Variants in MAGI2 observed in about 807,000 individuals in gnomAD.
The protein encoded by MAGI2 is membrane-associated guanylate kinase, WW and PDZ domain-containing protein 2.
Under a neutral mutation model 133.3 loss-of-function variants are expected in MAGI2, and 35 were observed. The observed-to-expected ratio is 0.26, with a 90% CI of 0.20 to 0.35. The LOEUF (loss-of-function observed/expected upper bound fraction) is 0.35. Ranked by LOEUF, MAGI2 falls within the 10% of genes least tolerant of loss-of-function variation. The pLI is 1.00. For missense variants in MAGI2, 1,636 were observed against 1,863.4 expected, an observed-to-expected ratio of 0.88 and a Z score of 2.25; for synonymous variants, 729 against 710.6, an observed-to-expected ratio of 1.03 and a Z score of -0.41.
chr7:78,883,791 T>G (rs1257985277), intron 2 of MAGI2, among the ~76,000 whole-genome samples: 2 of 152,198 alleles, frequency 1.3e-5, no homozygotes. Context: ...CTGGGATAAC[T>G]GGCTAGACAT....
chr7:78,665,570 T>A (rs562564525), intron 2 of MAGI2, among the ~76,000 whole-genome samples: 1 of 152,136 alleles, frequency 6.6e-6, no homozygotes, highest in African/African-American at 2.4e-5. Context: ...TATTAGAAGG[T>A]TGATTTGGAT....
chr7:79,364,784 TC>T (rs1400770710), intron 1 of MAGI2, among the ~76,000 whole-genome samples: 16 of 151,752 alleles, frequency 1.1e-4, no homozygotes, highest in Non-Finnish European at 1.8e-4. Context: ...CCAGAATAGA[TC>T]ATAAATATAT....
chr7:78,946,104 G>A (rs1161012487), intron 2 of MAGI2, among the ~76,000 whole-genome samples: 1 of 152,150 alleles, frequency 6.6e-6, no homozygotes, highest in African/African-American at 2.4e-5. Flanking sequence ...GAGGACCATT[G>A]CTGTAGAAAT....
At chr7:79,020,148 G>C (rs564529612) in intron 1 of MAGI2, among the ~76,000 whole-genome samples, 1 of 152,254 alleles carries the variant, frequency 6.6e-6, no homozygotes, top group African/African-American at 2.4e-5. Context: ...CAGGAATAAA[G>C]GTGACTCTTG....
At chr7:78,437,093 C>A (rs1800368079) in intron 6 of MAGI2, among the ~76,000 whole-genome samples, 1 of 152,122 alleles carries the variant, frequency 6.6e-6, no homozygotes. Flanking sequence ...AATTCCCTAT[C>A]ATAATGGAAA....
chr7:79,152,039 A>G (rs1448721958), intron 1 of MAGI2, among the ~76,000 whole-genome samples: 3 of 152,168 alleles, frequency 2.0e-5, no homozygotes, highest in African/African-American at 7.2e-5. Flanking sequence ...AGGAATGGTA[A>G]AGTAGCACTT....
At chr7:78,326,105 T>A (rs985925276) in intron 9 of MAGI2, among the ~76,000 whole-genome samples, 1 of 152,188 alleles carries the variant, frequency 6.6e-6, no homozygotes, top group African/African-American at 2.4e-5. Context: ...TGGTTCTCCA[T>A]GTCTCCCAGA....
At chr7:79,048,746 G>C (rs1812401747) in intron 1 of MAGI2, among the ~76,000 whole-genome samples, 1 of 152,072 alleles carries the variant, frequency 6.6e-6, no homozygotes, top group Non-Finnish European at 1.5e-5. Flanking sequence ...AGCCAAGGTG[G>C]GCCGATCACT....
intron 2 of MAGI2, among the ~76,000 whole-genome samples, chr7:78,917,289 T>C (rs1376709554): frequency 6.6e-6 from 1 of 152,066 alleles, no homozygotes; most frequent in Non-Finnish European, 1.5e-5. Flanking sequence ...AATTCAGTCC[T>C]GCAGAAGTGA....
chr7:79,031,776 T>TA (rs1273839461), intron 1 of MAGI2, among the ~76,000 whole-genome samples: 2 of 152,144 alleles, frequency 1.3e-5, no homozygotes, highest in Non-Finnish European at 2.9e-5. Context: ...ATTTGTTTTG[T>TA]AAAAAAAGTT....
intron 1 of MAGI2, among the ~76,000 whole-genome samples, chr7:79,270,353 T>C (rs1004891934): frequency 2.0e-5 from 3 of 149,102 alleles, no homozygotes; most frequent in Non-Finnish European, 4.5e-5. Context: ...GTCTGCGTAG[T>C]GGGCGGGACG....
intron 1 of MAGI2, among the ~76,000 whole-genome samples, chr7:79,307,943 T>C (rs1208028263): frequency 6.6e-6 from 1 of 152,212 alleles, no homozygotes; most frequent in Non-Finnish European, 1.5e-5. Flanking sequence ...TCTTTCCTCT[T>C]TAACCACCAT....
chr7:79,025,287 T>C (rs2079958), intron 1 of MAGI2, among the ~76,000 whole-genome samples: 89,279 of 152,040 alleles, frequency 0.59, 26,537 homozygotes, highest in East Asian at 0.63. Flanking sequence ...CATGTATAAG[T>C]GGAGGCTAAA....
chr7:78,609,888 T>A (rs1563238916), intron 3 of MAGI2, among the ~76,000 whole-genome samples: 1 of 152,128 alleles, frequency 6.6e-6, no homozygotes, highest in Non-Finnish European at 1.5e-5. Flanking sequence ...CCTCTTGAAT[T>A]AGGAGGAGCC....
At chr7:79,275,640 T>A (rs1413979627) in intron 1 of MAGI2, among the ~76,000 whole-genome samples, 1 of 152,118 alleles carries the variant, frequency 6.6e-6, no homozygotes. Context: ...GAAGAAGATG[T>A]CATCTAGGAC....
At chr7:79,428,268 CA>C (rs1173383714) in intron 1 of MAGI2, among the ~76,000 whole-genome samples, 1 of 152,076 alleles carries the variant, frequency 6.6e-6, no homozygotes, top group Non-Finnish European at 1.5e-5. Flanking sequence ...AATCTATTAA[CA>C]ACAAGCAGAG....
chr7:78,119,014 G>A (rs1820153177), intron 20 of MAGI2, among the ~76,000 whole-genome samples: 1 of 152,130 alleles, frequency 6.6e-6, no homozygotes, highest in African/African-American at 2.4e-5. Flanking sequence ...AGACATGGAG[G>A]AAAGTTAAAT....
At chr7:79,131,500 G>A (rs1820933974) in intron 1 of MAGI2, among the ~76,000 whole-genome samples, 2 of 152,014 alleles carry the variant, frequency 1.3e-5, no homozygotes, top group Admixed American at 1.3e-4. Context: ...TTATTTTGTG[G>A]GATCGTCCTT....
intron 10 of MAGI2, among the ~76,000 whole-genome samples, chr7:78,245,721 T>G (rs1322133124): frequency 6.6e-6 from 1 of 152,056 alleles, no homozygotes; most frequent in Non-Finnish European, 1.5e-5. Flanking sequence ...ATCAACACCT[T>G]GGACACCTGC....
Sources: allele counts gnomAD v4.1 joint callset (sites outside exome capture counted in the v4.1 genomes callset), GRCh38; gene constraint gnomAD v4.1.1; transcripts MANE v1.5; gene names NCBI Gene and HGNC (gene_info 2026-07-23, HGNC 2026-07-21).